B4GALT5: variants seen among roughly 807,000 people sequenced by gnomAD.
The protein encoded by B4GALT5 is beta-1,4-galactosyltransferase 5.
Under a neutral mutation model 45.0 loss-of-function variants are expected in B4GALT5, and 11 were observed. The ratio of observed to expected loss-of-function variants is 0.24; its 90% CI spans 0.15 to 0.40. B4GALT5 has a LOEUF of 0.40. B4GALT5 is among the 10% of genes least tolerant of loss of function. B4GALT5 has a pLI of 1.00. For synonymous variants in B4GALT5, 185 were observed against 182.9 expected, an observed-to-expected ratio of 1.01 and a Z score of -0.09; for missense variants, 337 against 500.2, an observed-to-expected ratio of 0.67 and a Z score of 3.11.
At chr20:49,646,868 T>G (rs986017107) in intron 3 of B4GALT5, 97 bp downstream of exon 3, 334 of 670,210 alleles carry the variant, frequency 5.0e-4, no homozygotes, top group Admixed American at 6.9e-4. Context: ...GGCAGGGAGG[T>G]ATTTATATTC....
intron 1 of B4GALT5, among the ~76,000 whole-genome samples, chr20:49,669,457 G>C (rs1299227309): frequency 5.3e-5 from 8 of 152,158 alleles, no homozygotes; most frequent in Admixed American, 5.2e-4. Flanking sequence ...AGCACTTTGG[G>C]AGGCTGAGGC....
Position 49,633,618 on chromosome 20 carries a change from C to T in B4GALT5, c.*2694G>A, listed in dbSNP as rs1984433843. The T allele has an allele frequency of 6.6e-6, 1 of 152,070 alleles. No individual in the cohort carries two copies. Among genetic ancestry groups the T allele is most frequent in the Non-Finnish European group, 1.5e-5 (1 of 68,004 alleles). 9.4% of individuals were successfully genotyped at this position (152,070 alleles called of 1,614,324 possible). A position where few individuals can be genotyped will look rare whatever the true frequency, so the allele number is the denominator to read the frequency against. ...CATGACCGCAAAGGTATCAAAGTGA[C>T]CCCACTTTAAGCAGTGAAAAAAGAC... is the stretch of plus-strand genomic sequence containing the variant. On this transcript the variant is annotated 3_prime_UTR_variant, in exon 9 of 9. Coordinates refer to ENST00000371711, the MANE Select transcript of B4GALT5 (RefSeq NM_004776.4).
chr20:49,685,370 A>G (rs1229625204), intron 1 of B4GALT5, among the ~76,000 whole-genome samples: 1 of 152,122 alleles, frequency 6.6e-6, no homozygotes, highest in African/African-American at 2.4e-5. Flanking sequence ...TCCCTCTACC[A>G]GGGCCCTTCA....
chr20:49,686,620 C>T (rs2085786515), intron 1 of B4GALT5, among the ~76,000 whole-genome samples: 1 of 150,694 alleles, frequency 6.6e-6, no homozygotes, highest in Non-Finnish European at 1.5e-5. Context: ...GGTGGAGTGG[C>T]TCATGCCTGT....
intron 1 of B4GALT5, among the ~76,000 whole-genome samples, chr20:49,704,431 A>G (rs2146361623): frequency 6.6e-6 from 1 of 152,282 alleles, no homozygotes; most frequent in East Asian, 1.9e-4. Flanking sequence ...TAAAAACACA[A>G]CATTGCGGCC....
At chr20:49,687,442 G>A (rs1487621852) in intron 1 of B4GALT5, among the ~76,000 whole-genome samples, 1 of 152,084 alleles carries the variant, frequency 6.6e-6, no homozygotes, top group Non-Finnish European at 1.5e-5. Context: ...TCAGTAGTTC[G>A]AGACCAGCCT....
intron 1 of B4GALT5, among the ~76,000 whole-genome samples, chr20:49,674,379 A>G (rs1306764882): frequency 6.6e-6 from 1 of 152,166 alleles, no homozygotes; most frequent in Non-Finnish European, 1.5e-5. Context: ...AGCAATGTTC[A>G]CATAAGAAGT....
chr20:49,674,092 A>G (rs1386411046), intron 1 of B4GALT5, among the ~76,000 whole-genome samples: 1 of 113,626 alleles, frequency 8.8e-6, no homozygotes, highest in Non-Finnish European at 1.8e-5. Context: ...AAAAAAAAAA[A>G]AAAAAAAAAA....
chr20:49,691,900 C>T (rs978998694), intron 1 of B4GALT5, among the ~76,000 whole-genome samples: 4 of 152,120 alleles, frequency 2.6e-5, no homozygotes, highest in African/African-American at 4.8e-5. Context: ...CAGTGACTGA[C>T]CTGTAATGAT....
chr20:49,683,312 G>A (rs2085771722), intron 1 of B4GALT5, among the ~76,000 whole-genome samples: 1 of 151,666 alleles, frequency 6.6e-6, no homozygotes, highest in African/African-American at 2.4e-5. Flanking sequence ...TTATCTTTAA[G>A]CTGAATAAAT....
rs373126616 is a variant in B4GALT5, at chr20:49,647,041, C to T, written c.288G>A (p.Leu96=). The T allele has an allele frequency of 3.0e-4, 484 of 1,613,790 alleles. 15 individuals are homozygous for T. In the South Asian group the frequency reaches 4.9e-3, roughly 16 times the overall value. ...CTTCAGGAAGAAATGTTGTAGTTTGCAGGAAGGTTTCACTGTGGTTCAAGT... is the reference window on the plus strand; with the variant it reads ...CTTCAGGAAGAAATGTTGTAGTTTGTAGGAAGGTTTCACTGTGGTTCAAGT... The part of the protein sequence containing the change: ...PLDLNHSETF[L]QTTTFLPEDF... The change falls in exon 3 of 9, where the codon CTG becomes CTA. Residue 96 remains leucine, a synonymous_variant. Transcript: ENST00000371711.
intron 1 of B4GALT5, among the ~76,000 whole-genome samples, chr20:49,692,402 G>A (rs1237239590): frequency 1.3e-5 from 2 of 152,034 alleles, no homozygotes; most frequent in African/African-American, 4.8e-5. Flanking sequence ...AGGAAGTCAA[G>A]GCTGCAGTGA....
intron 1 of B4GALT5, among the ~76,000 whole-genome samples, chr20:49,662,287 C>T (rs1472928326): frequency 6.6e-6 from 1 of 152,188 alleles, no homozygotes; most frequent in Non-Finnish European, 1.5e-5. Flanking sequence ...CACACACTCA[C>T]ACCCAAACAC....
chr20:49,706,125 G>C (rs557752201), intron 1 of B4GALT5, among the ~76,000 whole-genome samples: 14 of 151,568 alleles, frequency 9.2e-5, no homozygotes, highest in African/African-American at 2.9e-4. Context: ...AACCCAGGAG[G>C]CGGAGGTTGC....
At chr20:49,712,033 CT>C (rs1218936582) in intron 1 of B4GALT5, among the ~76,000 whole-genome samples, 2 of 152,224 alleles carry the variant, frequency 1.3e-5, no homozygotes, top group Admixed American at 6.5e-5. Context: ...CTCCCTGCCC[CT>C]ACCCCAGCAG....
At chr20:49,670,136 C>T (rs994246098) in intron 1 of B4GALT5, among the ~76,000 whole-genome samples, 12 of 152,196 alleles carry the variant, frequency 7.9e-5, no homozygotes, top group African/African-American at 2.9e-4. Flanking sequence ...AAAACAACAG[C>T]ACATAAACTG....
At position 49,639,718 on chromosome 20, in the gene B4GALT5, A is replaced by T; in HGVS notation, c.877T>A (p.Phe293Ile). ...TCATCTTCTCCACCCCAACCCCAGA[A>T]AGCATTAGGAAAGCCATTGATTTTC... ...FRKINGFPNA[F>I]WGWGGEDDDL... Residue 293 changes from phenylalanine to isoleucine, a missense_variant, in exon 7 of 9, where the codon TTC (phenylalanine) becomes ATC (isoleucine). Around this residue, in one of 2 missense-constraint regions of B4GALT5, gnomAD observed 163 missense variants for 292.8 expected, o/e 0.56. Coordinates refer to ENST00000371711, the MANE Select transcript of B4GALT5 (RefSeq NM_004776.4). The T allele has an allele frequency of 6.2e-7, 1 of 1,613,686 alleles. No individual in the cohort carries two copies. The highest frequency in any genetic ancestry group is 8.5e-7 in the Non-Finnish European group (1 of 1,179,726).
intron 1 of B4GALT5, 41 bp downstream of exon 1, chr20:49,713,535 G>A: frequency 6.5e-7 from 1 of 1,540,168 alleles, no homozygotes; most frequent in South Asian, 1.2e-5. Flanking sequence ...GTCCCTCAAG[G>A]CCAGAGCGGC....
chr20:49,711,294 T>C (rs1308382040), intron 1 of B4GALT5, among the ~76,000 whole-genome samples: 2 of 152,200 alleles, frequency 1.3e-5, no homozygotes, highest in African/African-American at 4.8e-5. Context: ...GGCATGGCAG[T>C]AGCACATCGC....
Sources: allele counts gnomAD v4.1 joint callset (sites outside exome capture counted in the v4.1 genomes callset), GRCh38; gene constraint gnomAD v4.1.1; regional missense constraint gnomAD v4.1.1; transcripts MANE v1.5; gene names NCBI Gene and HGNC (gene_info 2026-07-23, HGNC 2026-07-21).